The following DNM1L variants were observed in gnomAD, a reference collection of about 807,000 sequenced individuals.
DNM1L encodes the protein dynamin-1-like protein.
DNM1L carries 33 observed loss-of-function variants against 92.8 expected under a neutral mutation model. That is an observed-to-expected ratio of 0.36 (90% CI 0.27 to 0.48). The LOEUF is 0.48. DNM1L is among the 20% of genes least tolerant of loss of function. DNM1L has a pLI of 0.99. For missense variants in DNM1L, 485 were observed against 888.8 expected (o/e 0.55, Z 5.78); for synonymous variants, 284 against 305.0 (o/e 0.93, Z 0.72).
At chr12:32,686,431 C>T (rs1407136180) in intron 1 of DNM1L, among the ~76,000 whole-genome samples, 3 of 130,386 alleles carry the variant, frequency 2.3e-5, no homozygotes, top group Non-Finnish European at 4.7e-5. Context: ...AAAACAATTT[C>T]ATCACGAAAG....
In DNM1L at chr12:32,685,198, A is replaced by G. The variant is rs556194172; in HGVS notation, c.102+5733A>G. ...GTGATCCACCCGCCTCGGCCTCCCA[A>G]AGTGCTGGGATTACAGGCGTGAGCC... On this transcript the variant is annotated intron_variant, in intron 1 of 19. Coordinates refer to ENST00000549701, the MANE Select transcript of DNM1L (RefSeq NM_012062.5). 4.6e-5 allele frequency among the ~76,000 whole-genome samples: 7 copies of G among 152,094 alleles called. 1 individual carries two copies. The South Asian group carries it at 1.5e-3, about 32-fold the overall frequency.
intron 1 of DNM1L, among the ~76,000 whole-genome samples, chr12:32,689,956 G>T (rs567606890): frequency 1.3e-5 from 2 of 152,308 alleles, no homozygotes; most frequent in African/African-American, 4.8e-5. Context: ...ATATAATACA[G>T]GTTATTGAAT....
chr12:32,723,684 A>G (rs563062002), intron 9 of DNM1L, among the ~76,000 whole-genome samples: 4 of 138,338 alleles, frequency 2.9e-5, no homozygotes, highest in African/African-American at 1.1e-4. Flanking sequence ...ACAGAGCAAG[A>G]CTCTGTCTCA....
rs1462837304 is a variant in DNM1L, at chr12:32,744,745, A to G, written c.*1335A>G. 7.6e-6 allele frequency: 3 copies of G among 395,180 alleles called. No homozygotes were observed. The highest frequency in any genetic ancestry group is 1.5e-5 in the Non-Finnish European group (3 of 205,650). The allele number at this position is 395,180 out of a possible 1,614,324, so 24.5% of individuals were successfully genotyped here. On this transcript the variant is annotated 3_prime_UTR_variant, in exon 20 of 20. Transcript: ENST00000549701. ...AAAAAATAAAACAACACCCAGATAG[A>G]TACACATACTCCTTCAGACTTACAG...
chr12:32,685,725 G>A (rs1375330274), intron 1 of DNM1L, among the ~76,000 whole-genome samples: 1 of 148,630 alleles, frequency 6.7e-6, no homozygotes, highest in South Asian at 2.1e-4. Flanking sequence ...ATCAACACTT[G>A]TTGTTATCTT....
chr12:32,739,658 T>A (rs971477718), intron 16 of DNM1L, among the ~76,000 whole-genome samples: 1 of 152,252 alleles, frequency 6.6e-6, no homozygotes, highest in African/African-American at 2.4e-5. Context: ...TTAACAGTGT[T>A]AATGATTACT....
chr12:32,680,888 C>T (rs1592551556), intron 1 of DNM1L, among the ~76,000 whole-genome samples: 1 of 152,174 alleles, frequency 6.6e-6, no homozygotes, highest in East Asian at 1.9e-4. Context: ...GTAAGTGATT[C>T]AGAAGTGTCT....
At position 32,731,321 on chromosome 12, in the gene DNM1L, A is replaced by G; in HGVS notation, c.1201-35A>G. On this transcript the variant is annotated intron_variant, in intron 10 of 19. Transcript: ENST00000549701. This position sits in a 1 kb window ranked among gnomAD's most constrained non-coding sequence, Gnocchi z 5.1. ...AACCCTTGGGAAGAACTGAAATTAC[A>G]TATATAATAAGAGTTCTAAGTTTTA... 1 of 1,612,754 alleles carries G rather than the reference A, an allele frequency of 6.2e-7. No homozygotes were observed.
In DNM1L at chr12:32,744,701, G is replaced by A. The variant is rs750796428; in HGVS notation, c.*1291G>A. 4 of 350,982 alleles carry A rather than the reference G, an allele frequency of 1.1e-5. No individual in the cohort carries two copies. The highest frequency in any genetic ancestry group is 3.9e-4 in the Middle Eastern group (1 of 2,594). 21.7% of individuals were successfully genotyped at this position (350,982 alleles called of 1,614,324 possible). A position where few individuals can be genotyped will look rare whatever the true frequency, so the allele number is the denominator to read the frequency against. ...GCACTCCAGCCTTGGCAACAAGAGC[G>A]AAACTCCGTCTCAAAAAAAAAAAAT... On this transcript the variant is annotated 3_prime_UTR_variant, in exon 20 of 20. Transcript: ENST00000549701.
At chr12:32,718,013 G>GTA (rs1193902542) in intron 6 of DNM1L, among the ~76,000 whole-genome samples, 1 of 112,962 alleles carries the variant, frequency 8.9e-6, no homozygotes, top group African/African-American at 3.5e-5. Context: ...AATATATATA[G>GTA]TATATATATT....
chr12:32,706,122 A>G (rs372983237), intron 2 of DNM1L: 1 of 367,322 alleles, frequency 2.7e-6, no homozygotes, highest in South Asian at 5.7e-5. Flanking sequence ...ATATAATAAG[A>G]TAAATTAGAA....
chr12:32,680,755 G>C (rs369535231), intron 1 of DNM1L, among the ~76,000 whole-genome samples: 31 of 152,284 alleles, frequency 2.0e-4, no homozygotes, highest in African/African-American at 6.7e-4. Flanking sequence ...TAAGTGCTCT[G>C]TAAATATTTT....
In DNM1L at chr12:32,697,524, CTG is replaced by C. The variant is rs746743545; in HGVS notation, c.103-3885_103-3884del. On this transcript the variant is annotated intron_variant, in intron 1 of 19. Coordinates refer to ENST00000549701, the MANE Select transcript of DNM1L (RefSeq NM_012062.5). ...GTATTGGTGTTATTATTTTGAGAAT[CTG>C]TGTGTAACATGAAATAAAAAGCAAA... is the stretch of plus-strand genomic sequence containing the variant. 1.1e-4 allele frequency among the ~76,000 whole-genome samples: 17 copies of C among 152,290 alleles called. No homozygotes were observed. In the East Asian group the frequency reaches 3.1e-3, roughly 28 times the overall value.
At chr12:32,720,032 G>T (rs1476309691) in intron 7 of DNM1L, among the ~76,000 whole-genome samples, 1 of 152,086 alleles carries the variant, frequency 6.6e-6, no homozygotes, top group Non-Finnish European at 1.5e-5. Context: ...ATGTCTTTGG[G>T]TCTCAAGCCT....
intron 9 of DNM1L, among the ~76,000 whole-genome samples, chr12:32,723,693 CAAAAAAAAA>C (rs1172541097): frequency 7.3e-4 from 41 of 56,030 alleles, no homozygotes; most frequent in African/African-American, 2.2e-3. Context: ...GACTCTGTCT[CAAAAAAAAA>C]AAAAAAAAAA....
At chr12:32,696,379 C>A (rs1200720142) in intron 1 of DNM1L, among the ~76,000 whole-genome samples, 1 of 83,454 alleles carries the variant, frequency 1.2e-5, no homozygotes, top group Non-Finnish European at 2.5e-5. Flanking sequence ...TACACACACA[C>A]ACAAACACAC....
At chr12:32,714,429 C>T (rs138751324) in intron 6 of DNM1L, among the ~76,000 whole-genome samples, 1,924 of 151,758 alleles carry the variant, frequency 0.013, 39 homozygotes, top group African/African-American at 0.036. Flanking sequence ...CCTGCCACCA[C>T]GCCTGGCTAA....
intron 9 of DNM1L, among the ~76,000 whole-genome samples, chr12:32,724,447 G>A (rs1291283062): frequency 5.3e-5 from 8 of 150,810 alleles, no homozygotes; most frequent in African/African-American, 1.9e-4. Context: ...GTGGTGGCAC[G>A]TGCCTGTAAT....
chr12:32,687,675 C>T (rs1045585372), intron 1 of DNM1L, among the ~76,000 whole-genome samples: 2 of 152,040 alleles, frequency 1.3e-5, no homozygotes, highest in African/African-American at 4.8e-5. Context: ...GTCTTGAACT[C>T]CTGACCTCAG....
Sources: allele counts gnomAD v4.1 joint callset (sites outside exome capture counted in the v4.1 genomes callset), GRCh38; gene constraint gnomAD v4.1.1; non-coding constraint Gnocchi (gnomAD v3.1); transcripts MANE v1.5; gene names NCBI Gene and HGNC (gene_info 2026-07-23, HGNC 2026-07-21).